Variants in NTN4 observed in about 807,000 individuals in gnomAD.
NTN4 encodes the protein netrin 4, also known as netrin-4.
A neutral mutation model predicts 73.6 loss-of-function variants in NTN4; 32 were observed. The observed-to-expected ratio is 0.44, with a 90% confidence interval of 0.33 to 0.58. The LOEUF (loss-of-function observed/expected upper bound fraction) is 0.58, where lower values mean the gene tolerates loss of function less well. Ranked by LOEUF, NTN4 falls within the 20% of genes least tolerant of loss-of-function variation. The probability of loss-of-function intolerance (pLI) is 0.04; values close to 1 mark genes in which losing one functional copy is unlikely to be tolerated. For missense variants in NTN4, 654 were observed against 798.3 expected (o/e 0.82, Z 2.18); for synonymous variants, 258 against 287.5 (o/e 0.90, Z 1.04).
intron 2 of NTN4, 90 bp downstream of exon 2, chr12:95,786,849 A>G (rs2121307601): frequency 1.0e-6 from 1 of 983,424 alleles, no homozygotes; most frequent in East Asian, 2.4e-5. Context: ...TCATGTTGCT[A>G]CAAGTATAGC....
At chr12:95,738,371 A>G (rs961532476) in intron 2 of NTN4, among the ~76,000 whole-genome samples, 1 of 152,244 alleles carries the variant, frequency 6.6e-6, no homozygotes, top group African/African-American at 2.4e-5. Context: ...TGACCAGCAG[A>G]GACCTGACCC....
At chr12:95,759,782 A>G (rs2078973446) in intron 2 of NTN4, among the ~76,000 whole-genome samples, 1 of 152,036 alleles carries the variant, frequency 6.6e-6, no homozygotes, top group Non-Finnish European at 1.5e-5. Context: ...TATTTTTTAA[A>G]TTTCAGATAT....
intron 3 of NTN4, among the ~76,000 whole-genome samples, chr12:95,732,894 A>G (rs1418677386): frequency 6.6e-6 from 1 of 152,366 alleles, no homozygotes; most frequent in East Asian, 1.9e-4. Flanking sequence ...TAATGAGACT[A>G]TATGAATGAT....
chr12:95,777,693 T>G (rs2079103861), intron 2 of NTN4, among the ~76,000 whole-genome samples: 1 of 152,100 alleles, frequency 6.6e-6, no homozygotes, highest in Non-Finnish European at 1.5e-5. Flanking sequence ...ACAAAGAGAC[T>G]TAGACTCCCA....
At chr12:95,754,150 C>T (rs1319798217) in intron 2 of NTN4, among the ~76,000 whole-genome samples, 1 of 152,152 alleles carries the variant, frequency 6.6e-6, no homozygotes, top group Non-Finnish European at 1.5e-5. Context: ...ACCTTTTATA[C>T]CTGTTTTTCT....
intron 2 of NTN4, among the ~76,000 whole-genome samples, chr12:95,772,330 A>C (rs2079063763): frequency 1.3e-5 from 2 of 152,184 alleles, no homozygotes; most frequent in Admixed American, 1.3e-4. Context: ...ATGAGCCACC[A>C]CGTCCACCCA....
intron 5 of NTN4, among the ~76,000 whole-genome samples, chr12:95,702,308 G>C (rs370375486): frequency 2.5e-5 from 3 of 118,494 alleles, no homozygotes; most frequent in East Asian, 2.5e-4. Flanking sequence ...CAAAAAAAAA[G>C]AAAAAAAAAA....
chr12:95,757,216 T>G (rs945139982), intron 2 of NTN4, among the ~76,000 whole-genome samples: 20 of 152,230 alleles, frequency 1.3e-4, no homozygotes, highest in Admixed American at 5.2e-4. Flanking sequence ...TTACATTTTA[T>G]AAACTGTCTT....
chr12:95,759,000 A>G (rs2078966397), intron 2 of NTN4, among the ~76,000 whole-genome samples: 1 of 152,180 alleles, frequency 6.6e-6, no homozygotes, highest in Admixed American at 6.5e-5. Flanking sequence ...CAGCTCTTAT[A>G]TTTAGGTCTG....
chr12:95,758,904 G>A (rs1017216351), intron 2 of NTN4, among the ~76,000 whole-genome samples: 2 of 152,128 alleles, frequency 1.3e-5, no homozygotes, highest in Non-Finnish European at 2.9e-5. Flanking sequence ...CTCTTTTACA[G>A]TTTGTGCTGT....
chr12:95,745,577 GATA>G (rs1209925979), intron 2 of NTN4, among the ~76,000 whole-genome samples: 1 of 152,104 alleles, frequency 6.6e-6, no homozygotes, highest in Non-Finnish European at 1.5e-5. Flanking sequence ...GAAATACAGT[GATA>G]ATAACTGTTT....
chr12:95,759,334 G>A (rs2078968580), intron 2 of NTN4, among the ~76,000 whole-genome samples: 1 of 151,942 alleles, frequency 6.6e-6, no homozygotes, highest in African/African-American at 2.4e-5. Flanking sequence ...TTGAATGTTA[G>A]ACCACTTAAC....
At chr12:95,662,235 C>CTTTTTT (rs71087990) in intron 9 of NTN4, among the ~76,000 whole-genome samples, 1 of 118,386 alleles carries the variant, frequency 8.4e-6, no homozygotes, top group Non-Finnish European at 1.7e-5. Flanking sequence ...CTTTTTCTTT[C>CTTTTTT]TTTTTTTTTT....
At chr12:95,769,652 T>C (rs1303730146) in intron 2 of NTN4, among the ~76,000 whole-genome samples, 1 of 151,944 alleles carries the variant, frequency 6.6e-6, no homozygotes, top group Non-Finnish European at 1.5e-5. Flanking sequence ...GAACACAGTT[T>C]GAACATTCGG....
chr12:95,750,745 G>A (rs1159319502), intron 2 of NTN4, among the ~76,000 whole-genome samples: 1 of 152,054 alleles, frequency 6.6e-6, no homozygotes, highest in South Asian at 2.1e-4. Flanking sequence ...AGACCCATCT[G>A]ACCTCTCCCT....
At chr12:95,760,493 G>A (rs769764072) in intron 2 of NTN4, among the ~76,000 whole-genome samples, 1 of 151,986 alleles carries the variant, frequency 6.6e-6, no homozygotes, top group Non-Finnish European at 1.5e-5. Flanking sequence ...TGGCCTCCTT[G>A]AGCACTCATC....
intron 3 of NTN4, among the ~76,000 whole-genome samples, chr12:95,726,510 A>T (rs1052608497): frequency 6.6e-6 from 1 of 152,186 alleles, no homozygotes; most frequent in Non-Finnish European, 1.5e-5. Context: ...TTATCCATTC[A>T]TCAAGTGATG....
intron 9 of NTN4, among the ~76,000 whole-genome samples, chr12:95,665,080 G>C (rs1169577741): frequency 6.6e-6 from 1 of 152,062 alleles, no homozygotes; most frequent in Non-Finnish European, 1.5e-5. Flanking sequence ...AAGATACTAT[G>C]ATCAAAAGCC....
chr12:95,678,284 C>T (rs1007315785), intron 7 of NTN4, among the ~76,000 whole-genome samples: 20 of 148,368 alleles, frequency 1.3e-4, no homozygotes, highest in Admixed American at 1.4e-4. Flanking sequence ...CAGCAAACCA[C>T]TATGGCACAT....
Sources: gnomAD v4.1 joint callset for allele counts (sites outside exome capture counted in the v4.1 genomes callset) on GRCh38, gnomAD v4.1.1 for gene constraint, MANE v1.5 for transcripts, NCBI Gene and HGNC (gene_info 2026-07-23, HGNC 2026-07-21) for gene names.